The following ZNF621 variants were observed in gnomAD, a reference collection of about 807,000 sequenced individuals.
The protein encoded by ZNF621 is zinc finger protein 621.
A neutral mutation model predicts 12.7 loss-of-function variants in ZNF621; 6 were observed. The observed-to-expected ratio is 0.47, with a 90% CI of 0.26 to 0.93. ZNF621 has a LOEUF of 0.93. ZNF621 is among the 40% of genes least tolerant of loss of function. ZNF621 has a pLI of 0.15. For synonymous variants in ZNF621, 156 were observed against 190.3 expected (o/e 0.82, Z 1.48); for missense variants, 474 against 524.0 (o/e 0.90, Z 0.93).
chr3:40,525,594 T>A, intron 1 of ZNF621, 185 bp from the exon 2 acceptor site: 1 of 621,366 alleles, frequency 1.6e-6, no homozygotes, highest in Non-Finnish European at 2.8e-6. Context: ...GGTGGAAGAT[T>A]GTCCTGAAGA....
At chr3:40,531,084 C>T (rs1559558103) in intron 4 of ZNF621, among the ~76,000 whole-genome samples, 1 of 152,252 alleles carries the variant, frequency 6.6e-6, no homozygotes, top group Non-Finnish European at 1.5e-5. Flanking sequence ...CAGTGGCTTA[C>T]AGCTCTCTGA....
upstream of ZNF621, among the ~76,000 whole-genome samples, chr3:40,523,639 G>A (rs1034755387): frequency 1.2e-4 from 19 of 152,236 alleles, no homozygotes; most frequent in Non-Finnish European, 2.9e-5. Context: ...GTGGCGGGGT[G>A]CCTGTAGTCC....
intron 4 of ZNF621, among the ~76,000 whole-genome samples, chr3:40,530,823 T>C (rs1698708094): frequency 6.6e-6 from 1 of 152,176 alleles, no homozygotes; most frequent in African/African-American, 2.4e-5. Context: ...ATATTTACCA[T>C]AGATGGGACT....
upstream of ZNF621, chr3:40,524,904 G>A (rs1459803011): frequency 6.6e-6 from 1 of 152,288 alleles, no homozygotes; most frequent in Non-Finnish European, 1.5e-5. Flanking sequence ...CTGGCCACGG[G>A]GCGACCGAGA....
At chr3:40,526,036 A>T (rs936796433) in intron 2 of ZNF621, among the ~76,000 whole-genome samples, 172 bp downstream of exon 2, 30 of 152,270 alleles carry the variant, frequency 2.0e-4, no homozygotes, top group African/African-American at 7.0e-4. Context: ...TGGGGAAATG[A>T]AAGTTTTGTG....
chr3:40,523,792 C>CAAAAA (rs560219486), upstream of ZNF621, among the ~76,000 whole-genome samples: 1 of 66,782 alleles, frequency 1.5e-5, no homozygotes, highest in Non-Finnish European at 2.8e-5. Context: ...AAAAAACAAG[C>CAAAAA]AAAAAAAAAA....
intron 3 of ZNF621, among the ~76,000 whole-genome samples, 172 bp from the exon 4 acceptor site, chr3:40,530,037 C>T (rs1044982295): frequency 1.3e-5 from 2 of 152,094 alleles, no homozygotes; most frequent in African/African-American, 4.8e-5. Flanking sequence ...AGAATCATAC[C>T]TCCTTGGCTT....
At position 40,529,386 on chromosome 3, in the gene ZNF621, C is replaced by T. The variant is rs769362004; in HGVS notation, c.92C>T (p.Ala31Val). The change falls in exon 3 of 5, where the codon GCG becomes GTG. Residue 31 changes from alanine to valine, a missense_variant. Transcript: ENST00000339296. ...TQNQWASLDP[A>V]QRALYGEVML... The stretch of plus-strand genomic sequence containing the variant: ...AATCAATGGGCCAGCCTCGACCCTG[C>T]GCAGAGGGCCCTGTACGGGGAGGTG... 10 of 1,613,872 alleles carry T rather than the reference C, an allele frequency of 6.2e-6. No individual in the cohort carries two copies. Among genetic ancestry groups the T allele is most frequent in the South Asian group, 2.2e-5 (2 of 91,080 alleles).
chr3:40,530,936 C>T (rs565803202), intron 4 of ZNF621, among the ~76,000 whole-genome samples: 23 of 152,240 alleles, frequency 1.5e-4, no homozygotes, highest in African/African-American at 5.1e-4. Flanking sequence ...ACACACACCA[C>T]CTAAAATTTC....
At chr3:40,530,889 C>T (rs531061858) in intron 4 of ZNF621, among the ~76,000 whole-genome samples, 85 of 152,300 alleles carry the variant, frequency 5.6e-4, no homozygotes, top group African/African-American at 2.0e-3. Flanking sequence ...CACACACATG[C>T]ATACACACAA....
At position 40,534,594 on chromosome 3, in the gene ZNF621, A is replaced by G. The variant is rs539416686; in HGVS notation, c.*1504A>G. ...GTCTGAATTACATAGTGTGCTTGTA[A>G]AAAGAAGAGTTTTCTCTCTTGCACA... On this transcript the variant is annotated 3_prime_UTR_variant, in exon 5 of 5. Transcript: ENST00000339296. 7.9e-5 allele frequency: 12 copies of G among 152,228 alleles called. No individual in the cohort carries two copies. In the East Asian group the frequency reaches 1.9e-3, roughly 25 times the overall value. The allele number at this position is 152,228 out of a possible 1,614,324, so 9.4% of individuals were successfully genotyped here.
rs958618540 is a variant in ZNF621 at position 40,533,637 on chromosome 3, C to G, written c.*547C>G. 7 of 154,050 alleles carry G rather than the reference C, an allele frequency of 4.5e-5. No individual in the cohort carries two copies. Among genetic ancestry groups the G allele is most frequent in the African/African-American group, 1.7e-4 (7 of 41,422 alleles). 9.5% of individuals were successfully genotyped at this position (154,050 alleles called of 1,614,324 possible). A position where few individuals can be genotyped will look rare whatever the true frequency, so the allele number is the denominator to read the frequency against. On this transcript the variant is annotated 3_prime_UTR_variant, in exon 5 of 5. Coordinates refer to ENST00000339296, the MANE Select transcript of ZNF621 (RefSeq NM_198484.5). ...TGAACAACAGTGGCTGTATCTGCAT[C>G]GTGGGGTTGCTGGTGGTAGAACACT...
upstream of ZNF621, among the ~76,000 whole-genome samples, chr3:40,523,926 G>A (rs566768524): frequency 3.9e-5 from 6 of 152,318 alleles, no homozygotes; most frequent in African/African-American, 9.6e-5. Context: ...GGCTGGCTTC[G>A]GGAAGTGTTT....
At chr3:40,528,567 T>C (rs774822551) in intron 2 of ZNF621, among the ~76,000 whole-genome samples, 66 of 152,198 alleles carry the variant, frequency 4.3e-4, no homozygotes, top group Non-Finnish European at 7.5e-4. Flanking sequence ...TTGTAAGAAA[T>C]TGACGAACTG....
chr3:40,532,030 G>A lies in ZNF621; in HGVS notation c.260G>A (p.Gly87Asp). The part of the protein sequence containing the change: ...DTEILRGISQ[G>D]GESWIKNEGL... ...GAACACTTGTGGTTTCTTTGGTCAG[G>A]TGGTGAGTCCTGGATCAAAAATGAA... Residue 87 changes from glycine (G) to aspartate (D), a missense_variant and splice_region_variant, in exon 5 of 5, where the codon GGT (glycine) becomes GAT (aspartate). Coordinates refer to ENST00000339296, the MANE Select transcript of ZNF621 (RefSeq NM_198484.5). 2 of 1,600,890 alleles carry A rather than the reference G, an allele frequency of 1.2e-6. No homozygotes were observed. The highest frequency in any genetic ancestry group is 1.7e-6 in the Non-Finnish European group (2 of 1,173,232).
At chr3:40,528,671 C>G (rs1278402104) in intron 2 of ZNF621, among the ~76,000 whole-genome samples, 1 of 152,152 alleles carries the variant, frequency 6.6e-6, no homozygotes, top group African/African-American at 2.4e-5. Context: ...TTGGTGTTGT[C>G]AGTGTTTTGG....
chr3:40,524,085 C>G (rs1698521898), upstream of ZNF621, among the ~76,000 whole-genome samples: 1 of 152,174 alleles, frequency 6.6e-6, no homozygotes, highest in Admixed American at 6.5e-5. Flanking sequence ...CAGTCTTTTC[C>G]TTTCCTGAAT....
rs747304970 is a variant in ZNF621, at chr3:40,532,056, G to C, written c.286G>C (p.Gly96Arg). The C allele has an allele frequency of 5.6e-6, 9 of 1,612,802 alleles. No individual in the cohort carries two copies. The highest frequency in any genetic ancestry group is 7.6e-6 in the Non-Finnish European group (9 of 1,179,526). The change falls in exon 5 of 5, where the codon GGG becomes CGG. Residue 96 changes from glycine to arginine, a missense_variant. Transcript: ENST00000339296. Reference protein sequence around the residue: ...QGGESWIKNEGLVIKQEASEE... With the variant: ...QGGESWIKNERLVIKQEASEE... ...TGGTGAGTCCTGGATCAAAAATGAA[G>C]GGCTAGTTATAAAGCAGGAAGCCTC...
chr3:40,532,698 C>A lies in ZNF621; in HGVS notation c.928C>A (p.Gln310Lys), dbSNP rs774146837. 6.2e-7 allele frequency: 1 copy of A among 1,614,070 alleles called. No homozygotes were observed. The highest frequency in any genetic ancestry group is 1.3e-5 in the African/African-American group (1 of 74,912). The change falls in exon 5 of 5, where the codon CAG becomes AAG. Residue 310 changes from glutamine (Q) to lysine (K), a missense_variant. Gln to Lys is a moderately conservative substitution (Grantham distance 53, BLOSUM62 1). Coordinates refer to ENST00000339296, the MANE Select transcript of ZNF621 (RefSeq NM_198484.5). Reference protein sequence around the residue: ...FTQKIASIQHQRVHTGEKPYE... With the variant: ...FTQKIASIQHKRVHTGEKPYE... ...CCAGAAAATAGCCTCCATTCAGCATCAGAGAGTTCACACTGGGGAGAAGCC... is the reference window on the plus strand; with the variant it reads ...CCAGAAAATAGCCTCCATTCAGCATAAGAGAGTTCACACTGGGGAGAAGCC...
Sources: allele counts gnomAD v4.1 joint callset (sites outside exome capture counted in the v4.1 genomes callset), GRCh38; gene constraint gnomAD v4.1.1; transcripts MANE v1.5; gene names NCBI Gene and HGNC (gene_info 2026-07-23, HGNC 2026-07-21).